PLCD4: variants seen among roughly 807,000 people sequenced by gnomAD.
The protein encoded by PLCD4 is phospholipase C delta 4.
Under a neutral mutation model 90.2 loss-of-function variants are expected in PLCD4, and 63 were observed. The ratio of observed to expected loss-of-function variants is 0.70; its 90% CI spans 0.57 to 0.86. The LOEUF (loss-of-function observed/expected upper bound fraction) is 0.86. PLCD4 is among the 40% of genes least tolerant of loss of function. The pLI is 0.00. For synonymous variants in PLCD4, 294 were observed against 356.5 expected (o/e 0.82, Z 1.97); for missense variants, 830 against 956.3 (o/e 0.87, Z 1.74).
In PLCD4 at chr2:218,629,611, C is replaced by T; in HGVS notation, c.1067C>T (p.Ser356Phe). 6.2e-7 allele frequency: 1 copy of T among 1,613,768 alleles called. No individual in the cohort carries two copies. The change falls in exon 8 of 16, where the codon TCC becomes TTC. Residue 356 changes from serine (S) to phenylalanine (F), a missense_variant. Transcript: ENST00000450993. ...PVVYHGHTLT[S>F]RILFKDVVAT... ...GTTTACCACGGACACACCCTGACCT[C>T]CCGCATCCTGTTCAAAGATGTCGTG...
intron 9 of PLCD4, among the ~76,000 whole-genome samples, chr2:218,631,403 A>T (rs1020136985): frequency 2.0e-5 from 3 of 151,968 alleles, no homozygotes; most frequent in Non-Finnish European, 4.4e-5. Context: ...ACCTCACGTG[A>T]TCCACCCTCC....
intron 3 of PLCD4, among the ~76,000 whole-genome samples, chr2:218,616,978 A>AGG (rs1695642253): frequency 9.2e-6 from 1 of 108,650 alleles, no homozygotes; most frequent in East Asian, 2.8e-4. Flanking sequence ...AGAGAGAGAG[A>AGG]GAGAGAGATG....
intron 6 of PLCD4, among the ~76,000 whole-genome samples, chr2:218,623,549 C>A (rs1042822474): frequency 6.6e-6 from 1 of 152,226 alleles, no homozygotes; most frequent in Non-Finnish European, 1.5e-5. Flanking sequence ...ATAATAAATA[C>A]TTTACAAGGA....
rs975784683 is a variant in PLCD4 at position 218,629,670 on chromosome 2, G to T, written c.1119+7G>T. ...AGCACAGTATGCCTTCCAGGTAGTA[G>T]CCCCAGGATGGGGACACTGGTGAGG... On this transcript the variant is annotated splice_region_variant and intron_variant, in intron 8 of 15. Coordinates refer to ENST00000450993, the MANE Select transcript of PLCD4 (RefSeq NM_032726.4). The T allele has an allele frequency of 3.7e-6, 6 of 1,610,990 alleles. No individual in the cohort carries two copies. In the African/African-American group the frequency reaches 8.0e-5, roughly 22 times the overall value.
chr2:218,630,520 T>G, intron 8 of PLCD4, 130 bp from the exon 9 acceptor site: 1 of 1,040,180 alleles, frequency 9.6e-7, no homozygotes, highest in East Asian at 2.6e-5. Context: ...TATAATGGAG[T>G]TGGAAGAGTT....
intron 10 of PLCD4, 48 bp from the exon 11 acceptor site, chr2:218,633,557 C>G: frequency 6.3e-7 from 1 of 1,589,192 alleles, no homozygotes; most frequent in Non-Finnish European, 8.6e-7. Context: ...CTTCTTCTCT[C>G]TCAGACTGCT....
rs1424541677 is a variant in PLCD4 at position 218,634,634 on chromosome 2, C to T, written c.1896+4C>T. On this transcript the variant is annotated splice_donor_region_variant and intron_variant, in intron 13 of 15. Transcript: ENST00000450993. The surrounding 1 kb of genome is among the most constrained non-coding windows in gnomAD (Gnocchi z 4.0). ...AGCCCAGACTCTCTTAATCCAGGTACAGTGGAAATAAACTGTTGGGAAGAA... is the reference window on the plus strand; with the variant it reads ...AGCCCAGACTCTCTTAATCCAGGTATAGTGGAAATAAACTGTTGGGAAGAA... The T allele has an allele frequency of 6.2e-7, 1 of 1,612,600 alleles. No individual in the cohort carries two copies. Among genetic ancestry groups the T allele is most frequent in the Admixed American group, 1.7e-5 (1 of 59,680 alleles).
At position 218,629,614 on chromosome 2, in the gene PLCD4, G is replaced by A. The variant is rs1383944758; in HGVS notation, c.1070G>A (p.Arg357His). The A allele has an allele frequency of 6.2e-6, 10 of 1,613,110 alleles. No homozygotes were observed. The highest frequency in any genetic ancestry group is 1.7e-5 in the Admixed American group (1 of 59,958). ...VVYHGHTLTS[R>H]ILFKDVVATV... ...TACCACGGACACACCCTGACCTCCC[G>A]CATCCTGTTCAAAGATGTCGTGGCC... The change falls in exon 8 of 16, where the codon CGC becomes CAC. Residue 357 changes from arginine to histidine, a missense_variant. By Grantham distance (29) the Arg-to-His change is conservative. Transcript: ENST00000450993.
At position 218,629,637 on chromosome 2, in the gene PLCD4, G is replaced by A; in HGVS notation, c.1093G>A (p.Ala365Thr). ...TSRILFKDVV[A>T]TVAQYAFQTS... is the part of the protein sequence containing the mutation. ...CCGCATCCTGTTCAAAGATGTCGTG[G>A]CCACAGTAGCACAGTATGCCTTCCA... The change falls in exon 8 of 16, where the codon GCC becomes ACC. Residue 365 changes from alanine (A) to threonine (T), a missense_variant. By Grantham distance (58) the Ala-to-Thr change is moderately conservative. Coordinates refer to ENST00000450993, the MANE Select transcript of PLCD4 (RefSeq NM_032726.4). 1 of 1,613,752 alleles carries A rather than the reference G, an allele frequency of 6.2e-7. No individual in the cohort carries two copies. Among genetic ancestry groups the A allele is most frequent in the Non-Finnish European group, 8.5e-7 (1 of 1,179,816 alleles).
chr2:218,614,576 A>G (rs1457741039), intron 1 of PLCD4, among the ~76,000 whole-genome samples: 1 of 152,008 alleles, frequency 6.6e-6, no homozygotes, highest in African/African-American at 2.4e-5. Context: ...CAGCCTCCCA[A>G]GTAGCTGGGA....
chr2:218,630,208 C>T (rs1223148991), intron 8 of PLCD4, among the ~76,000 whole-genome samples: 1 of 152,168 alleles, frequency 6.6e-6, no homozygotes, highest in Non-Finnish European at 1.5e-5. Flanking sequence ...AAAACTATTA[C>T]TTCTAACAAG....
chr2:218,610,646 A>G (rs570528705), intron 1 of PLCD4, among the ~76,000 whole-genome samples: 3 of 152,284 alleles, frequency 2.0e-5, no homozygotes, highest in African/African-American at 4.8e-5. Context: ...CCTTGCTTCA[A>G]CTGTTTTCTA....
intron 9 of PLCD4, 46 bp from the exon 10 acceptor site, chr2:218,632,090 C>A (rs1696405634): frequency 6.5e-7 from 1 of 1,532,616 alleles, no homozygotes. Flanking sequence ...CCCAGAAGGA[C>A]CCAAGAGCAG....
intron 1 of PLCD4, among the ~76,000 whole-genome samples, chr2:218,612,257 G>C (rs904652419): frequency 2.0e-5 from 3 of 152,152 alleles, no homozygotes; most frequent in African/African-American, 7.2e-5. Context: ...GTAAGCCTCA[G>C]ATTCCAAACT....
intron 14 of PLCD4, 125 bp from the exon 15 acceptor site, chr2:218,636,118 C>G: frequency 7.2e-7 from 1 of 1,388,684 alleles, no homozygotes; most frequent in East Asian, 2.3e-5. Context: ...CTTGCTTACT[C>G]TGAGCCTTTT....
rs1696792933 is a variant in PLCD4 at position 218,636,883 on chromosome 2, C to A, written c.*306C>A. 4.1e-6 allele frequency: 2 copies of A among 486,174 alleles called. No individual in the cohort carries two copies. Among genetic ancestry groups the A allele is most frequent in the Non-Finnish European group, 8.1e-6 (2 of 247,380 alleles). The allele number at this position is 486,174 out of a possible 1,614,324, so 30.1% of individuals were successfully genotyped here. A position where few individuals can be genotyped will look rare whatever the true frequency, so the allele number is the denominator to read the frequency against. On this transcript the variant is annotated 3_prime_UTR_variant, in exon 16 of 16. Coordinates refer to ENST00000450993, the MANE Select transcript of PLCD4 (RefSeq NM_032726.4). ...AGGCTCAATCCCATACCGACATCTA[C>A]AACTAATCTTTCCCATCAACTCTGT...
At position 218,636,943 on chromosome 2, in the gene PLCD4, C is replaced by A. The variant is rs1282657056; in HGVS notation, c.*366C>A. The A allele has an allele frequency of 4.4e-6, 2 of 459,434 alleles. No individual in the cohort carries two copies. Among genetic ancestry groups the A allele is most frequent in the Non-Finnish European group, 8.7e-6 (2 of 229,352 alleles). The allele number at this position is 459,434 out of a possible 1,614,324, so 28.5% of individuals were successfully genotyped here. The stretch of plus-strand genomic sequence containing the variant: ...GGTTGCAACTAGAAATTCAGAGGGG[C>A]TTGGAATAGAGAAACCTAAAGAAGC... On this transcript the variant is annotated 3_prime_UTR_variant, in exon 16 of 16. Transcript: ENST00000450993.
chr2:218,622,912 A>C, intron 6 of PLCD4, 34 bp downstream of exon 6: 1 of 1,564,440 alleles, frequency 6.4e-7, no homozygotes, highest in Non-Finnish European at 8.7e-7. Flanking sequence ...CACCAGACAT[A>C]GGGGTTGGAG....
Position 218,608,861 on chromosome 2 carries a change from G to A in PLCD4, c.-34+791G>A, listed in dbSNP as rs576236977. Among the ~76,000 whole-genome samples the A allele has an allele frequency of 4.6e-5, 7 of 152,224 alleles. No individual in the cohort carries two copies. The East Asian group carries it at 5.8e-4, about 13-fold the overall frequency. On this transcript the variant is annotated intron_variant, in intron 1 of 15. Transcript: ENST00000450993. Reference sequence around the variant, plus strand: ...TAGATGTGTTATAAAAGAACTGGCCGGGCGCGGTGGCTCACACCTGTAATC... The same window carrying A: ...TAGATGTGTTATAAAAGAACTGGCCAGGCGCGGTGGCTCACACCTGTAATC...
Sources: allele counts gnomAD v4.1 joint callset (sites outside exome capture counted in the v4.1 genomes callset), GRCh38; gene constraint gnomAD v4.1.1; non-coding constraint Gnocchi (gnomAD v3.1); transcripts MANE v1.5; gene names NCBI Gene and HGNC (gene_info 2026-07-23, HGNC 2026-07-21).